BMAL1: variants seen among roughly 807,000 people sequenced by gnomAD.
BMAL1 encodes the protein basic helix-loop-helix ARNT-like protein 1.
At chr11:13,297,358 G>A in the BMAL1 span, among the ~76,000 whole-genome samples, 1 of 152,224 alleles carries the variant, frequency 6.6e-6, no homozygotes, top group Admixed American at 6.5e-5. Context: ...AGTCTACTGT[G>A]TGCCTGGCAT....
At chr11:13,322,751 T>C in the BMAL1 span, among the ~76,000 whole-genome samples, 5 of 146,478 alleles carry the variant, frequency 3.4e-5, no homozygotes, top group Admixed American at 2.8e-4. Context: ...GAAGACCTCA[T>C]AGAGAAGAGG....
chr11:13,364,613 C>T, the BMAL1 span, among the ~76,000 whole-genome samples: 1 of 152,120 alleles, frequency 6.6e-6, no homozygotes, highest in African/African-American at 2.4e-5. Flanking sequence ...CACCGGAAGA[C>T]CCCAGCAGGA....
chr11:13,336,765 G>A, the BMAL1 span, among the ~76,000 whole-genome samples: 3 of 152,200 alleles, frequency 2.0e-5, no homozygotes, highest in Non-Finnish European at 4.4e-5. Context: ...AGGCAAACAC[G>A]AACTGTGAAT....
the BMAL1 span, among the ~76,000 whole-genome samples, chr11:13,347,861 A>G: frequency 6.6e-6 from 1 of 152,216 alleles, no homozygotes; most frequent in South Asian, 2.1e-4. Flanking sequence ...AAATAATTAA[A>G]TAAGTAAGTA....
the BMAL1 span, among the ~76,000 whole-genome samples, chr11:13,342,317 C>T: frequency 6.6e-6 from 1 of 152,144 alleles, no homozygotes; most frequent in Non-Finnish European, 1.5e-5. Flanking sequence ...AACCTCAGAG[C>T]CTGGGCTGCT....
the BMAL1 span, among the ~76,000 whole-genome samples, chr11:13,375,245 G>A: frequency 2.3e-3 from 348 of 152,334 alleles, 1 homozygote; most frequent in African/African-American, 8.0e-3. Flanking sequence ...AATGAGATAA[G>A]TTCTATATTG....
chr11:13,325,743 G>T, the BMAL1 span, among the ~76,000 whole-genome samples: 1 of 148,586 alleles, frequency 6.7e-6, no homozygotes, highest in Non-Finnish European at 1.5e-5. Context: ...TCCAAATTTT[G>T]ATGAAAACCT....
the BMAL1 span, among the ~76,000 whole-genome samples, chr11:13,357,594 C>T: frequency 1.3e-5 from 2 of 152,218 alleles, no homozygotes; most frequent in Admixed American, 1.3e-4. The surrounding 1 kb of genome is among the most constrained non-coding windows in gnomAD (Gnocchi z 4.8). Context: ...ATTGCGTCCT[C>T]AGTTCTTCTG....
the BMAL1 span, chr11:13,381,115 A>G: frequency 1.9e-6 from 3 of 1,585,370 alleles, no homozygotes; most frequent in Admixed American, 5.0e-5. Flanking sequence ...AAGCACATAC[A>G]CTCCACTGAA....
At chr11:13,315,445 G>A in the BMAL1 span, among the ~76,000 whole-genome samples, 7 of 152,188 alleles carry the variant, frequency 4.6e-5, no homozygotes, top group East Asian at 1.9e-4. Flanking sequence ...TGCTTCATGC[G>A]TAGCTACTTT....
At chr11:13,346,671 C>A in the BMAL1 span, among the ~76,000 whole-genome samples, 1 of 152,230 alleles carries the variant, frequency 6.6e-6, no homozygotes, top group Non-Finnish European at 1.5e-5. Flanking sequence ...AGGGTGCCCT[C>A]TCACATTCTT....
chr11:13,304,569 G>A, the BMAL1 span, among the ~76,000 whole-genome samples: 1 of 152,178 alleles, frequency 6.6e-6, no homozygotes, highest in Admixed American at 6.5e-5. Context: ...TTCATGACTA[G>A]GCTTTCAGAC....
the BMAL1 span, among the ~76,000 whole-genome samples, chr11:13,296,899 C>CCTGCACCGTCCTCCTGTG: frequency 6.6e-6 from 1 of 152,176 alleles, no homozygotes; most frequent in Non-Finnish European, 1.5e-5. Context: ...CTCTGTCAGC[C>CCTGCACCGTCCTCCTGTG]TCAGGCAGCT....
At chr11:13,303,464 G>A in the BMAL1 span, among the ~76,000 whole-genome samples, 1 of 152,198 alleles carries the variant, frequency 6.6e-6, no homozygotes, top group Non-Finnish European at 1.5e-5. Flanking sequence ...ATTTTGAGGA[G>A]TGGTCAAAGA....
the BMAL1 span, among the ~76,000 whole-genome samples, chr11:13,340,349 T>C: frequency 6.6e-6 from 1 of 152,176 alleles, no homozygotes; most frequent in Non-Finnish European, 1.5e-5. Flanking sequence ...GTGGGCTTCG[T>C]CTCCCTAAGG....
chr11:13,314,013 G>A, the BMAL1 span, among the ~76,000 whole-genome samples: 9 of 151,706 alleles, frequency 5.9e-5, no homozygotes, highest in South Asian at 2.1e-4. Flanking sequence ...TGGGAATGGC[G>A]TGGTCTCTGT....
At chr11:13,354,947 G>A in the BMAL1 span, 3 of 268,484 alleles carry the variant, frequency 1.1e-5, no homozygotes, top group Non-Finnish European at 2.2e-5. Flanking sequence ...ATTTAAATTA[G>A]TATGAACTTG....
the BMAL1 span, among the ~76,000 whole-genome samples, chr11:13,300,052 C>G: frequency 6.6e-6 from 1 of 152,154 alleles, no homozygotes; most frequent in African/African-American, 2.4e-5. Flanking sequence ...GGATGGAATT[C>G]CTGCATTGAC....
the BMAL1 span, among the ~76,000 whole-genome samples, chr11:13,284,260 ATATATATTT>A: frequency 1.5e-4 from 3 of 20,020 alleles, no homozygotes; most frequent in African/African-American, 2.7e-4. Flanking sequence ...ATATATATAT[ATATATATTT>A]TTTTTTTTAA....
Sources: allele counts gnomAD v4.1 joint callset (sites outside exome capture counted in the v4.1 genomes callset), GRCh38; gene constraint gnomAD v4.1.1; non-coding constraint Gnocchi (gnomAD v3.1); transcripts MANE v1.5; gene names NCBI Gene and HGNC (gene_info 2026-07-23, HGNC 2026-07-21).